Variants in TAFA5 observed in about 807,000 individuals in gnomAD.
TAFA5 encodes the protein TAFA chemokine like family member 5.
A neutral mutation model predicts 15.3 loss-of-function variants in TAFA5; 6 were observed. That is an observed-to-expected ratio of 0.39 (90% CI 0.21 to 0.77). TAFA5 has a LOEUF of 0.77. TAFA5 is among the 30% of genes least tolerant of loss of function. The probability of loss-of-function intolerance (pLI) is 0.41; values close to 1 mark genes in which losing one functional copy is unlikely to be tolerated. For missense variants in TAFA5, 161 were observed against 193.1 expected, an observed-to-expected ratio of 0.83 and a Z score of 0.98; for synonymous variants, 103 against 80.7, an observed-to-expected ratio of 1.28 and a Z score of -1.48.
rs1013658350 is a variant in TAFA5 at position 48,552,347 on chromosome 22, G to A, written c.112+62643G>A. The stretch of plus-strand genomic sequence containing the variant: ...TGGAGGCAGTGGCAGAAGTCTGATG[G>A]GCTGAAGCCCTCAGGAAACCTTCTC... On this transcript the variant is annotated intron_variant, in intron 1 of 3. Transcript: ENST00000402357. The surrounding 1 kb of genome is among the most constrained non-coding windows in gnomAD (Gnocchi z 4.1). 6.6e-6 allele frequency among the ~76,000 whole-genome samples: 1 copy of A among 152,136 alleles called. No homozygotes were observed. Among genetic ancestry groups the A allele is most frequent in the African/African-American group, 2.4e-5 (1 of 41,432 alleles).
rs539342729 is a variant in TAFA5 at position 48,523,175 on chromosome 22, C to T, written c.112+33471C>T. Reference sequence around the variant, plus strand: ...CCGCTCGTGCCACAAAACCCTGCTGCGCCCTGCACGGAGCCTCTGCTGGAG... The same window carrying T: ...CCGCTCGTGCCACAAAACCCTGCTGTGCCCTGCACGGAGCCTCTGCTGGAG... On this transcript the variant is annotated intron_variant, in intron 1 of 3. Coordinates refer to ENST00000402357, the MANE Select transcript of TAFA5 (RefSeq NM_001082967.3). 2.8e-4 allele frequency among the ~76,000 whole-genome samples: 42 copies of T among 152,362 alleles called. No individual in the cohort carries two copies. In the East Asian group the frequency reaches 3.3e-3, roughly 12 times the overall value.
At chr22:48,716,979 A>C (rs868212328) in intron 3 of TAFA5, among the ~76,000 whole-genome samples, 3 of 152,354 alleles carry the variant, frequency 2.0e-5, no homozygotes, top group Middle Eastern at 6.8e-3. Context: ...ACCTCCTGAA[A>C]TAGCAGAAAA....
At chr22:48,534,158 A>AG (rs1433224819) in intron 1 of TAFA5, among the ~76,000 whole-genome samples, 2 of 149,856 alleles carry the variant, frequency 1.3e-5, no homozygotes, top group Non-Finnish European at 1.5e-5. Flanking sequence ...CAGGCAGGTG[A>AG]GGGGGGCCAG....
At chr22:48,664,434 A>G (rs1421146591) in intron 2 of TAFA5, among the ~76,000 whole-genome samples, 1 of 152,218 alleles carries the variant, frequency 6.6e-6, no homozygotes, top group African/African-American at 2.4e-5. Context: ...TGGTTTACAA[A>G]ATATGCGTGT....
chr22:48,716,797 G>A (rs1189149349), intron 3 of TAFA5, among the ~76,000 whole-genome samples: 1 of 151,986 alleles, frequency 6.6e-6, no homozygotes, highest in Non-Finnish European at 1.5e-5. Context: ...TATAGGTACT[G>A]TATGCCTGTG....
chr22:48,544,727 T>A (rs1223743001), intron 1 of TAFA5: 1 of 471,170 alleles, frequency 2.1e-6, no homozygotes, highest in East Asian at 6.9e-5. Context: ...TTGGTCTCAG[T>A]CCCCACTCCG....
At chr22:48,601,733 A>C (rs937708477) in intron 1 of TAFA5, among the ~76,000 whole-genome samples, 1 of 152,068 alleles carries the variant, frequency 6.6e-6, no homozygotes, top group Non-Finnish European at 1.5e-5. Context: ...CTCCCCCTCC[A>C]GGTATGTGTG....
Position 48,620,118 on chromosome 22 carries a change from C to G in TAFA5, c.113-26479C>G, listed in dbSNP as rs529137595. The stretch of plus-strand genomic sequence containing the variant: ...CGGGGCCCTGCTTCTCCCACCGTCC[C>G]CAGTCCACACCCTTCTGGGATGGGG... On this transcript the variant is annotated intron_variant, in intron 1 of 3. Coordinates refer to ENST00000402357, the MANE Select transcript of TAFA5 (RefSeq NM_001082967.3). Among the ~76,000 whole-genome samples, 3 of 152,282 alleles carry G rather than the reference C, an allele frequency of 2.0e-5. No homozygotes were observed. The East Asian group carries it at 5.8e-4, about 29-fold the overall frequency.
At chr22:48,675,861 C>T (rs1927955834) in intron 2 of TAFA5, among the ~76,000 whole-genome samples, 1 of 152,272 alleles carries the variant, frequency 6.6e-6, no homozygotes, top group Non-Finnish European at 1.5e-5. Context: ...CCTGAAGGCC[C>T]TGCAGGTGGC....
chr22:48,644,069 A>G (rs140430981), intron 1 of TAFA5, among the ~76,000 whole-genome samples: 1,602 of 152,358 alleles, frequency 0.011, 8 homozygotes, highest in Non-Finnish European at 0.016. Context: ...GAGAAGCAGC[A>G]CCTCATCCTC....
intron 1 of TAFA5, among the ~76,000 whole-genome samples, chr22:48,613,378 TG>T (rs529125211): frequency 1.3e-5 from 2 of 152,304 alleles, no homozygotes; most frequent in African/African-American, 4.8e-5. Context: ...GAGCCTGCAC[TG>T]AGCCTCTGTC....
chr22:48,691,971 C>A (rs954142273), intron 2 of TAFA5, among the ~76,000 whole-genome samples: 2 of 152,164 alleles, frequency 1.3e-5, no homozygotes, highest in African/African-American at 4.8e-5. Context: ...AGGGCTGAGT[C>A]GTCCTCCAAA....
At chr22:48,500,088 T>A (rs574374411) in intron 1 of TAFA5, among the ~76,000 whole-genome samples, 1 of 152,246 alleles carries the variant, frequency 6.6e-6, no homozygotes, top group East Asian at 1.9e-4. Flanking sequence ...AGGCTTTTCC[T>A]CTTTGGGCCT....
chr22:48,562,238 C>CTGAG (rs1923257102), intron 1 of TAFA5, among the ~76,000 whole-genome samples: 2 of 152,050 alleles, frequency 1.3e-5, no homozygotes, highest in Admixed American at 6.5e-5. Context: ...CCCGGGTTCA[C>CTGAG]GCCATTCTCC....
At chr22:48,518,606 C>A (rs915381077) in intron 1 of TAFA5, among the ~76,000 whole-genome samples, 2 of 152,206 alleles carry the variant, frequency 1.3e-5, no homozygotes, top group African/African-American at 4.8e-5. Flanking sequence ...CGGGTCTTAC[C>A]CTCCAGCCTG....
chr22:48,507,788 C>T (rs1433051912), intron 1 of TAFA5, among the ~76,000 whole-genome samples: 1 of 152,146 alleles, frequency 6.6e-6, no homozygotes, highest in Non-Finnish European at 1.5e-5. Flanking sequence ...GGAGCCCCTG[C>T]CTGGGAGCTG....
chr22:48,691,502 C>T (rs1291321234), intron 2 of TAFA5, among the ~76,000 whole-genome samples: 1 of 152,220 alleles, frequency 6.6e-6, no homozygotes, highest in Non-Finnish European at 1.5e-5. Flanking sequence ...ACTGGGTTCG[C>T]CTGTGTGCTG....
chr22:48,672,123 A>G (rs938987889), intron 2 of TAFA5, among the ~76,000 whole-genome samples: 1 of 152,228 alleles, frequency 6.6e-6, no homozygotes, highest in Non-Finnish European at 1.5e-5. Flanking sequence ...AGAGATTTTC[A>G]TCTCGAAGTT....
At chr22:48,611,475 C>T (rs372153878) in intron 1 of TAFA5, among the ~76,000 whole-genome samples, 17 of 152,288 alleles carry the variant, frequency 1.1e-4, no homozygotes, top group East Asian at 5.8e-4. Flanking sequence ...CTTCTAAACT[C>T]GGAACTTGAT....
Sources: allele counts gnomAD v4.1 joint callset (sites outside exome capture counted in the v4.1 genomes callset), GRCh38; gene constraint gnomAD v4.1.1; non-coding constraint Gnocchi (gnomAD v3.1); transcripts MANE v1.5; gene names NCBI Gene and HGNC (gene_info 2026-07-23, HGNC 2026-07-21).